PTPRO: variants seen among roughly 807,000 people sequenced by gnomAD.
The protein encoded by PTPRO is receptor-type tyrosine-protein phosphatase O.
A neutral mutation model predicts 145.2 loss-of-function variants in PTPRO; 62 were observed. The ratio of observed to expected loss-of-function variants is 0.43; its 90% CI spans 0.35 to 0.53. The LOEUF (loss-of-function observed/expected upper bound fraction) is 0.53. PTPRO is among the 20% of genes least tolerant of loss of function. The pLI, the probability that PTPRO is intolerant of heterozygous loss-of-function variation, is 0.01. For synonymous variants in PTPRO, 565 were observed against 514.7 expected (o/e 1.10, Z -1.32); for missense variants, 1,345 against 1,482.7 (o/e 0.91, Z 1.53).
At position 15,596,683 on chromosome 12, in the gene PTPRO, A is replaced by G. The variant is rs571267570; in HGVS notation, c.*610A>G. The G allele has an allele frequency of 6.6e-6, 1 of 152,352 alleles. No individual in the cohort carries two copies. Among genetic ancestry groups the G allele is most frequent in the Non-Finnish European group, 1.5e-5 (1 of 68,036 alleles). 9.4% of individuals were successfully genotyped at this position (152,352 alleles called of 1,614,324 possible). ...GGGAAGAGAGGGGTTCTACCCACAG[A>G]TCAACTGTGTAATCTTTTACTATTC... On this transcript the variant is annotated 3_prime_UTR_variant, in exon 27 of 27. Coordinates refer to ENST00000281171, the MANE Select transcript of PTPRO (RefSeq NM_030667.3).
intron 1 of PTPRO, among the ~76,000 whole-genome samples, chr12:15,457,888 C>T (rs1281843575): frequency 6.6e-6 from 1 of 152,140 alleles, no homozygotes; most frequent in Non-Finnish European, 1.5e-5. Flanking sequence ...AAGTAATTTA[C>T]ACAGCACCAT....
intron 15 of PTPRO, among the ~76,000 whole-genome samples, chr12:15,554,656 T>G (rs1368995093): frequency 1.3e-5 from 2 of 152,052 alleles, no homozygotes; most frequent in Non-Finnish European, 2.9e-5. Context: ...CCTTTTCACA[T>G]TTTTCTGCCT....
Position 15,497,321 on chromosome 12 carries a change from T to C in PTPRO, c.426T>C (p.His142=), listed in dbSNP as rs201529265. ...AAACAGGAGTCCTGTTTGAAATACA[T>C]TATCCAGAAAAATATAACGTTTTCA... The part of the protein sequence containing the change: ...SPETGVLFEI[H]YPEKYNVFTR... Residue 142 remains histidine (H), a synonymous_variant, in exon 3 of 27, where the codon CAT becomes CAC. Coordinates refer to ENST00000281171, the MANE Select transcript of PTPRO (RefSeq NM_030667.3). 5.6e-6 allele frequency: 9 copies of C among 1,605,602 alleles called. No homozygotes were observed. Among genetic ancestry groups the C allele is most frequent in the South Asian group, 1.1e-5 (1 of 90,892 alleles).
chr12:15,325,124 A>G (rs1418033941), intron 1 of PTPRO, among the ~76,000 whole-genome samples: 2 of 152,208 alleles, frequency 1.3e-5, no homozygotes, highest in Admixed American at 1.3e-4. Flanking sequence ...TAATTTCCAT[A>G]GTTTTCACTA....
At chr12:15,500,646 G>C (rs1050104466) in intron 4 of PTPRO, among the ~76,000 whole-genome samples, 9 of 152,216 alleles carry the variant, frequency 5.9e-5, no homozygotes, top group Non-Finnish European at 1.3e-4. Context: ...ATGGGGCCTA[G>C]CACGGTGGCT....
At chr12:15,405,091 T>A (rs1334809069) in intron 1 of PTPRO, among the ~76,000 whole-genome samples, 2 of 152,128 alleles carry the variant, frequency 1.3e-5, no homozygotes, top group African/African-American at 4.8e-5. Flanking sequence ...AAGCTCCACC[T>A]CCAAATATCA....
intron 1 of PTPRO, among the ~76,000 whole-genome samples, chr12:15,470,661 T>C (rs891000420): frequency 1.1e-4 from 16 of 152,202 alleles, no homozygotes; most frequent in Admixed American, 3.3e-4. Context: ...TGAACTGTCA[T>C]TTTACACATG....
intron 1 of PTPRO, among the ~76,000 whole-genome samples, chr12:15,403,455 C>T (rs146505157): frequency 0.021 from 3,252 of 152,194 alleles, 122 homozygotes; most frequent in African/African-American, 0.074. Flanking sequence ...TGGTGGCACA[C>T]ACCTGTAGTC....
Position 15,502,049 on chromosome 12 carries a change from A to G in PTPRO, c.1091A>G (p.His364Arg). 6.2e-7 allele frequency: 1 copy of G among 1,611,174 alleles called. No homozygotes were observed. The highest frequency in any genetic ancestry group is 8.5e-7 in the Non-Finnish European group (1 of 1,177,314). ...ACTGCTTTTGATGGGTTCCATATCC[A>G]TATTGAACGAGAAGGTAAAGCAGTA... is the stretch of plus-strand genomic sequence containing the variant. ...PPTAFDGFHI[H>R]IEREENFTEY... is the part of the protein sequence containing the mutation. Residue 364 changes from histidine (H) to arginine (R), a missense_variant, in exon 5 of 27, where the codon CAT (histidine) becomes CGT (arginine). His to Arg is a conservative substitution (Grantham distance 29, BLOSUM62 0). Transcript: ENST00000281171.
intron 2 of PTPRO, among the ~76,000 whole-genome samples, chr12:15,486,613 A>G (rs1288944929): frequency 6.6e-6 from 1 of 152,104 alleles, no homozygotes; most frequent in African/African-American, 2.4e-5. Context: ...AAAAGGTGAA[A>G]TTAATTTTAA....
chr12:15,422,173 T>C (rs572395769), intron 1 of PTPRO, among the ~76,000 whole-genome samples: 1 of 152,160 alleles, frequency 6.6e-6, no homozygotes, highest in Non-Finnish European at 1.5e-5. Context: ...GATTTACAAT[T>C]TTTTGACTGT....
chr12:15,435,621 C>CT (rs1565628046), intron 1 of PTPRO, among the ~76,000 whole-genome samples: 2 of 150,408 alleles, frequency 1.3e-5, no homozygotes, highest in East Asian at 3.9e-4. Flanking sequence ...CAGTTTTTCT[C>CT]TTTTCCTCAT....
chr12:15,396,432 T>C (rs1939341002), intron 1 of PTPRO, among the ~76,000 whole-genome samples: 1 of 151,502 alleles, frequency 6.6e-6, no homozygotes, highest in Non-Finnish European at 1.5e-5. Context: ...GCCTTAAAAG[T>C]TACTAAATTA....
chr12:15,580,835 C>T lies in PTPRO; in HGVS notation c.3132+4C>T, dbSNP rs748325299. 1.3e-5 allele frequency: 21 copies of T among 1,613,658 alleles called. No homozygotes were observed. The Admixed American group carries it at 2.7e-4, about 20-fold the overall frequency. ...TCAGTGTAATGAGAAAAGGAGGGTA[C>T]GTACTTACTGAAACTGCTCCCACTT... On this transcript the variant is annotated splice_donor_region_variant and intron_variant, in intron 22 of 26. Transcript: ENST00000281171.
intron 10 of PTPRO, among the ~76,000 whole-genome samples, chr12:15,523,865 A>C (rs1486388135): frequency 1.3e-5 from 2 of 151,086 alleles, no homozygotes; most frequent in South Asian, 2.1e-4. Context: ...TGGCAGGCTC[A>C]TGCCTCACTG....
rs536329236 is a variant in PTPRO at position 15,372,877 on chromosome 12, A to C, written c.75+50076A>C. Among the ~76,000 whole-genome samples, 3 of 152,268 alleles carry C rather than the reference A, an allele frequency of 2.0e-5. No individual in the cohort carries two copies. The East Asian group carries it at 5.8e-4, about 29-fold the overall frequency. ...TCAGTGTCCATAATTTATGTAGGCA[A>C]TGCTGCAGAGGATATTATTTTGTGC... On this transcript the variant is annotated intron_variant, in intron 1 of 26. Coordinates refer to ENST00000281171, the MANE Select transcript of PTPRO (RefSeq NM_030667.3).
intron 1 of PTPRO, among the ~76,000 whole-genome samples, chr12:15,427,230 T>C (rs1940309569): frequency 3.3e-5 from 5 of 152,172 alleles, no homozygotes; most frequent in Admixed American, 2.6e-4. Context: ...TCTTCATCTA[T>C]TCCCTATGTC....
intron 1 of PTPRO, among the ~76,000 whole-genome samples, chr12:15,481,836 G>A (rs1221865554): frequency 6.6e-6 from 1 of 152,160 alleles, no homozygotes; most frequent in East Asian, 1.9e-4. Context: ...TTGGAGAGTA[G>A]TGATGTGTAT....
At chr12:15,356,705 C>T (rs1244412715) in intron 1 of PTPRO, among the ~76,000 whole-genome samples, 1 of 152,092 alleles carries the variant, frequency 6.6e-6, no homozygotes, top group Non-Finnish European at 1.5e-5. Context: ...AGAACTTAAC[C>T]TTTCTGAAAA....
Sources: allele counts gnomAD v4.1 joint callset (sites outside exome capture counted in the v4.1 genomes callset), GRCh38; gene constraint gnomAD v4.1.1; transcripts MANE v1.5; gene names NCBI Gene and HGNC (gene_info 2026-07-23, HGNC 2026-07-21).